Variants in VPS13A observed in about 807,000 individuals in gnomAD.
VPS13A encodes intermembrane lipid transfer protein VPS13A.
VPS13A carries 264 observed loss-of-function variants against 390.9 expected under a neutral mutation model. The observed-to-expected ratio is 0.68, with a 90% CI of 0.61 to 0.75. VPS13A has a LOEUF of 0.75. Among genes scored for constraint, VPS13A ranks in the 30% least tolerant of loss-of-function variants. The pLI is 0.00. For missense variants in VPS13A, 3,409 were observed against 3,733.9 expected, an observed-to-expected ratio of 0.91 and a Z score of 2.27; for synonymous variants, 1,231 against 1,227.1, an observed-to-expected ratio of 1.00 and a Z score of -0.07.
At chr9:77,192,643 T>A (rs1404360538) in intron 1 of VPS13A, among the ~76,000 whole-genome samples, 1 of 152,246 alleles carries the variant, frequency 6.6e-6, no homozygotes, top group Non-Finnish European at 1.5e-5. Context: ...GAATTTCTTT[T>A]CTTTAAGGAT....
At position 77,411,984 on chromosome 9, in the gene VPS13A, G is replaced by T. The variant is rs1587737814; in HGVS notation, c.9475-3972G>T. 2.0e-5 allele frequency among the ~76,000 whole-genome samples: 3 copies of T among 152,056 alleles called. No homozygotes were observed. The East Asian group carries it at 5.8e-4, about 29-fold the overall frequency. On this transcript the variant is annotated intron_variant, in intron 71 of 71. Coordinates refer to ENST00000360280, the MANE Select transcript of VPS13A (RefSeq NM_033305.3). ...TAAACACCTCTATGCAAATAAACTA[G>T]AAAATCTAGAAGAAATGGATAAATT... is the stretch of plus-strand genomic sequence containing the variant.
chr9:77,319,725 G>A, intron 42 of VPS13A, 52 bp downstream of exon 42: 1 of 1,036,612 alleles, frequency 9.6e-7, no homozygotes, highest in South Asian at 1.8e-5. Context: ...TATTTTAAAA[G>A]ACTTTATTTT....
At chr9:77,403,126 T>C (rs4745629) in intron 68 of VPS13A, 110 bp from the exon 69 acceptor site, 4 of 729,902 alleles carry the variant, frequency 5.5e-6, no homozygotes, top group Non-Finnish European at 4.8e-6. Flanking sequence ...TTCTCTATGT[T>C]AATGGTTTGC....
chr9:77,382,421 T>C, intron 68 of VPS13A: 1 of 1,420,992 alleles, frequency 7.0e-7, no homozygotes, highest in Non-Finnish European at 9.2e-7. Flanking sequence ...TTGGTAACTT[T>C]TAATAGGAAT....
intron 67 of VPS13A, among the ~76,000 whole-genome samples, chr9:77,371,708 C>G (rs1264008529): frequency 6.6e-6 from 1 of 150,928 alleles, no homozygotes; most frequent in Non-Finnish European, 1.5e-5. Flanking sequence ...GCACATTGCG[C>G]AGGTTAGTTA....
At chr9:77,342,137 G>A (rs529208900) in intron 50 of VPS13A, among the ~76,000 whole-genome samples, 8 of 152,176 alleles carry the variant, frequency 5.3e-5, no homozygotes, top group South Asian at 4.1e-4. Context: ...AGCAATTGTC[G>A]AGAGCTCAGC....
At chr9:77,282,315 TAACCA>T in intron 29 of VPS13A, 41 bp downstream of exon 29, 1 of 1,481,764 alleles carries the variant, frequency 6.7e-7, no homozygotes, top group Non-Finnish European at 9.3e-7. Flanking sequence ...TTTTTTTTTT[TAACCA>T]TGTAGGTCAA....
Position 77,307,928 on chromosome 9 carries a change from T to C in VPS13A, c.3961-17T>C. Reference sequence around the variant, plus strand: ...AAGTAGCAGTGCTAAAAAGAACAAATCTTTTTTTTTTAACAGTTCATTCTT... The same window carrying C: ...AAGTAGCAGTGCTAAAAAGAACAAACCTTTTTTTTTTAACAGTTCATTCTT... On this transcript the variant is annotated splice_polypyrimidine_tract_variant and intron_variant, in intron 34 of 71. Transcript: ENST00000360280. The C allele has an allele frequency of 1.3e-6, 2 of 1,560,808 alleles. No homozygotes were observed. The highest frequency in any genetic ancestry group is 1.8e-6 in the Non-Finnish European group (2 of 1,138,698).
intron 71 of VPS13A, among the ~76,000 whole-genome samples, chr9:77,411,554 G>T (rs565471286): frequency 4.4e-4 from 66 of 150,752 alleles, no homozygotes; most frequent in African/African-American, 1.5e-3. Context: ...TCCCAGCTAC[G>T]CGGGAGGCTG....
intron 67 of VPS13A, among the ~76,000 whole-genome samples, chr9:77,379,052 T>C (rs916707853): frequency 6.6e-6 from 1 of 150,566 alleles, no homozygotes; most frequent in African/African-American, 2.4e-5. Context: ...ATCATACTTG[T>C]ATATTTTCAG....
chr9:77,380,734 A>G (rs917553383), intron 67 of VPS13A, among the ~76,000 whole-genome samples: 2 of 152,226 alleles, frequency 1.3e-5, no homozygotes, highest in African/African-American at 4.8e-5. Flanking sequence ...ATTTTTCCAC[A>G]GACCAGACAG....
At chr9:77,250,329 C>T (rs1401238967) in intron 21 of VPS13A, 100 bp downstream of exon 21, 27 of 1,403,704 alleles carry the variant, frequency 1.9e-5, no homozygotes, top group Non-Finnish European at 2.6e-5. Context: ...GTTAGAACGT[C>T]TATATTTTTG....
At chr9:77,299,385 C>T (rs1828207174) in intron 33 of VPS13A, among the ~76,000 whole-genome samples, 1 of 152,134 alleles carries the variant, frequency 6.6e-6, no homozygotes, top group Admixed American at 6.6e-5. Flanking sequence ...TACCATCTCA[C>T]ACCAGTTAGA....
At chr9:77,275,381 A>G in intron 24 of VPS13A, 117 bp from the exon 25 acceptor site, 1 of 978,040 alleles carries the variant, frequency 1.0e-6, no homozygotes, top group Non-Finnish European at 1.6e-6. Context: ...TTCTCATGTT[A>G]ATATTTGATA....
intron 41 of VPS13A, 57 bp downstream of exon 41, chr9:77,318,648 AGATAAT>A (rs1178961141): frequency 7.6e-7 from 1 of 1,321,320 alleles, no homozygotes; most frequent in African/African-American, 1.4e-5. Context: ...ATATTATGAC[AGATAAT>A]GATACATATG....
intron 52 of VPS13A, among the ~76,000 whole-genome samples, chr9:77,349,924 A>T (rs1407084717): frequency 6.6e-6 from 1 of 152,114 alleles, no homozygotes; most frequent in Non-Finnish European, 1.5e-5. Flanking sequence ...GATTACAGGC[A>T]TGAACCACCG....
In VPS13A at chr9:77,321,513, G is replaced by C; in HGVS notation, c.5597G>C (p.Gly1866Ala). The change falls in exon 44 of 72, where the codon GGA becomes GCA. Residue 1866 changes from glycine (G) to alanine (A), a missense_variant. Gly to Ala is a moderately conservative substitution (Grantham distance 60, BLOSUM62 0). Transcript: ENST00000360280. ...LVKAFTEAAT[G>A]SSADFVKDLA... is the part of the protein sequence containing the mutation. The stretch of plus-strand genomic sequence containing the variant: ...TAGGCATTTACAGAAGCTGCCACTG[G>C]ATCTTCAGCTGACTTCGTAAAGGAT... 1 of 1,613,396 alleles carries C rather than the reference G, an allele frequency of 6.2e-7. No individual in the cohort carries two copies. Among genetic ancestry groups the C allele is most frequent in the Non-Finnish European group, 8.5e-7 (1 of 1,179,606 alleles).
intron 6 of VPS13A, among the ~76,000 whole-genome samples, 160 bp from the exon 7 acceptor site, chr9:77,210,456 C>T (rs1825919744): frequency 6.8e-6 from 1 of 147,334 alleles, no homozygotes; most frequent in Non-Finnish European, 1.5e-5. Flanking sequence ...CACTGTGTTA[C>T]CCAGGCTGGT....
intron 68 of VPS13A, 74 bp from the exon 69 acceptor site, chr9:77,403,162 A>G: frequency 9.9e-7 from 1 of 1,013,130 alleles, no homozygotes; most frequent in South Asian, 1.3e-5. Context: ...TTTTTAGAGG[A>G]CTATAAGGCA....
Sources: allele counts gnomAD v4.1 joint callset (sites outside exome capture counted in the v4.1 genomes callset), GRCh38; gene constraint gnomAD v4.1.1; transcripts MANE v1.5; gene names NCBI Gene and HGNC (gene_info 2026-07-23, HGNC 2026-07-21).